The following PCCB variants were observed in gnomAD, a reference collection of about 807,000 sequenced individuals.
PCCB encodes propionyl-CoA carboxylase subunit beta, also known as propionyl-CoA carboxylase beta chain, mitochondrial.
PCCB carries 43 observed loss-of-function variants against 60.7 expected under a neutral mutation model. The observed-to-expected ratio is 0.71, with a 90% CI of 0.55 to 0.91. The LOEUF (loss-of-function observed/expected upper bound fraction) is 0.91, where lower values mean the gene tolerates loss of function less well. PCCB is among the 40% of genes least tolerant of loss of function. The pLI is 0.00. For synonymous variants in PCCB, 276 were observed against 255.9 expected (o/e 1.08, Z -0.75); for missense variants, 766 against 702.8 (o/e 1.09, Z -1.02).
intron 6 of PCCB, among the ~76,000 whole-genome samples, chr3:136,289,944 T>A (rs1192316644): frequency 6.6e-6 from 1 of 152,174 alleles, no homozygotes; most frequent in Non-Finnish European, 1.5e-5. Flanking sequence ...ATCCCTCATA[T>A]GATATATATA....
intron 5 of PCCB, among the ~76,000 whole-genome samples, chr3:136,279,829 G>A (rs1275740230): frequency 2.0e-5 from 3 of 151,850 alleles, no homozygotes; most frequent in Non-Finnish European, 2.9e-5. Context: ...CACCATGCCT[G>A]GCTAATTTTT....
chr3:136,257,506 A>G (rs1435456248), intron 3 of PCCB, among the ~76,000 whole-genome samples: 1 of 152,212 alleles, frequency 6.6e-6, no homozygotes, highest in Non-Finnish European at 1.5e-5. Flanking sequence ...CTGAATTTAT[A>G]TTAATTTGTT....
At chr3:136,304,206 G>A (rs1258174578) in intron 9 of PCCB, among the ~76,000 whole-genome samples, 1 of 111,282 alleles carries the variant, frequency 9.0e-6, no homozygotes, top group Non-Finnish European at 2.0e-5. Flanking sequence ...CCAGGCTGGA[G>A]TGCAGCGGTG....
chr3:136,261,942 G>C lies in PCCB; in HGVS notation c.430-10G>C. ...ATTTGTCTCAATAAAAGATTTCTCT[G>C]CTGTCTCAGATCATGGACCAGGCCA... On this transcript the variant is annotated splice_polypyrimidine_tract_variant and intron_variant, in intron 4 of 14. Coordinates refer to ENST00000251654, the MANE Select transcript of PCCB (RefSeq NM_000532.5). 6.7e-7 allele frequency: 1 copy of C among 1,503,584 alleles called. No individual in the cohort carries two copies. Among genetic ancestry groups the C allele is most frequent in the Non-Finnish European group, 9.1e-7 (1 of 1,101,850 alleles). The allele number at this position is 1,503,584 out of a possible 1,614,324, so 93.1% of individuals were successfully genotyped here. A position where few individuals can be genotyped will look rare whatever the true frequency, so the allele number is the denominator to read the frequency against.
rs1454939843 is a variant in PCCB at position 136,306,275 on chromosome 3, G to T, written c.966+5164G>T. On this transcript the variant is annotated intron_variant, in intron 9 of 14. Coordinates refer to ENST00000251654, the MANE Select transcript of PCCB (RefSeq NM_000532.5). Reference sequence around the variant, plus strand: ...ATCTGAGTGCAGTAGCCCCTGATAAGCATTTGAGGTTGTAAAAATAGAAAA... The same window carrying T: ...ATCTGAGTGCAGTAGCCCCTGATAATCATTTGAGGTTGTAAAAATAGAAAA... Among the ~76,000 whole-genome samples the T allele has an allele frequency of 1.6e-5, 2 of 122,504 alleles. 1 individual carries two copies. Among genetic ancestry groups the T allele is most frequent in the Non-Finnish European group, 3.6e-5 (2 of 54,958 alleles). The allele number at this position is 122,504 out of a possible 152,430, so 80.4% of individuals were successfully genotyped here. A position where few individuals can be genotyped will look rare whatever the true frequency, so the allele number is the denominator to read the frequency against.
intron 6 of PCCB, among the ~76,000 whole-genome samples, chr3:136,291,358 C>T (rs1453458949): frequency 8.5e-5 from 13 of 152,322 alleles, no homozygotes; most frequent in South Asian, 8.3e-4. Context: ...GATGCTTATT[C>T]TCTCTTCAAA....
At chr3:136,269,885 CAA>C (rs1159032335) in intron 5 of PCCB, among the ~76,000 whole-genome samples, 15 of 60,626 alleles carry the variant, frequency 2.5e-4, no homozygotes, top group Non-Finnish European at 3.7e-4. Flanking sequence ...GACTCTGTCT[CAA>C]AAAAAAAAAA....
intron 5 of PCCB, among the ~76,000 whole-genome samples, chr3:136,263,175 G>A (rs896298642): frequency 1.3e-5 from 2 of 150,598 alleles, no homozygotes; most frequent in Non-Finnish European, 2.9e-5. Flanking sequence ...GGTTGGTCTC[G>A]AACTCCTGAC....
At chr3:136,265,754 A>G (rs1321643443) in intron 5 of PCCB, among the ~76,000 whole-genome samples, 3 of 151,914 alleles carry the variant, frequency 2.0e-5, no homozygotes, top group Non-Finnish European at 4.4e-5. Context: ...AACCATTTAC[A>G]TTACCATGAG....
intron 9 of PCCB, among the ~76,000 whole-genome samples, chr3:136,311,624 G>A (rs1934671086): frequency 1.3e-5 from 2 of 151,986 alleles, no homozygotes; most frequent in South Asian, 4.2e-4. Flanking sequence ...TTAGGTGTGA[G>A]CCCCCAAGCC....
intron 6 of PCCB, among the ~76,000 whole-genome samples, chr3:136,285,850 C>G (rs900286162): frequency 6.6e-6 from 1 of 152,216 alleles, no homozygotes; most frequent in African/African-American, 2.4e-5. Flanking sequence ...GAGACTTCCT[C>G]TCTTGTCCTC....
chr3:136,272,680 A>G (rs1364560259), intron 5 of PCCB, among the ~76,000 whole-genome samples: 2 of 151,910 alleles, frequency 1.3e-5, no homozygotes, highest in African/African-American at 4.8e-5. Flanking sequence ...TATTTCTATG[A>G]TATTGGTTAT....
At chr3:136,262,411 T>TA (rs1196125669) in intron 5 of PCCB, among the ~76,000 whole-genome samples, 4 of 152,344 alleles carry the variant, frequency 2.6e-5, no homozygotes, top group African/African-American at 9.6e-5. Flanking sequence ...TTAGAAGTTT[T>TA]AAAAAATGTA....
At chr3:136,264,842 T>C (rs1349189741) in intron 5 of PCCB, among the ~76,000 whole-genome samples, 1 of 132,736 alleles carries the variant, frequency 7.5e-6, no homozygotes, top group African/African-American at 2.9e-5. Context: ...GCCACCGCGC[T>C]CTAGCCTGGG....
intron 3 of PCCB, chr3:136,260,264 T>C: frequency 3.2e-6 from 2 of 632,980 alleles, no homozygotes; most frequent in Non-Finnish European, 5.7e-6. Context: ...TTTTTGCAGA[T>C]ACGGGCTTCT....
Position 136,300,927 on chromosome 3 carries a change from C to T in PCCB, c.885-103C>T, listed in dbSNP as rs1934247463. 3.7e-6 allele frequency: 3 copies of T among 808,624 alleles called. No homozygotes were observed. The South Asian group carries it at 4.2e-5, about 11-fold the overall frequency. 50.1% of individuals were successfully genotyped at this position (808,624 alleles called of 1,614,324 possible). On this transcript the variant is annotated intron_variant, in intron 8 of 14. Coordinates refer to ENST00000251654, the MANE Select transcript of PCCB (RefSeq NM_000532.5). ...AAGCCCAGCAGGGACAGAACTGGCCCAGTCCCTATGACGTGTCACCCCATT... is the reference window on the plus strand; with the variant it reads ...AAGCCCAGCAGGGACAGAACTGGCCTAGTCCCTATGACGTGTCACCCCATT...
intron 5 of PCCB, among the ~76,000 whole-genome samples, chr3:136,273,597 C>CTTTTTTTTTTTTTTTTTTTTTTTTTTT: frequency 1.1e-4 from 5 of 45,234 alleles, no homozygotes; most frequent in Admixed American, 2.7e-4. Flanking sequence ...TTTCTTTTTT[C>CTTTTTTTTTTTTTTTTTTTTTTTTTTT]TTTTTTTTTT....
At chr3:136,263,898 A>G (rs1010817514) in intron 5 of PCCB, among the ~76,000 whole-genome samples, 1 of 151,890 alleles carries the variant, frequency 6.6e-6, no homozygotes, top group Non-Finnish European at 1.5e-5. Flanking sequence ...TGTAATCCCA[A>G]CTACTCAGGA....
In PCCB at chr3:136,328,749, T is replaced by C. The variant is rs1459941710; in HGVS notation, c.1399-9T>C. 6.2e-7 allele frequency: 1 copy of C among 1,610,268 alleles called. No homozygotes were observed. Among genetic ancestry groups the C allele is most frequent in the Non-Finnish European group, 8.5e-7 (1 of 1,176,524 alleles). On this transcript the variant is annotated splice_polypyrimidine_tract_variant and intron_variant, in intron 13 of 14. Transcript: ENST00000251654. ...GACCAAAGATGTTCATGAACTCCTC[T>C]AATCACAGGGCGCTGTGGAGATCAT...
Sources: allele counts gnomAD v4.1 joint callset (sites outside exome capture counted in the v4.1 genomes callset), GRCh38; gene constraint gnomAD v4.1.1; transcripts MANE v1.5; gene names NCBI Gene and HGNC (gene_info 2026-07-23, HGNC 2026-07-21).